EIF2AK1: variants seen among roughly 807,000 people sequenced by gnomAD.
EIF2AK1 encodes eukaryotic translation initiation factor 2 alpha kinase 1.
EIF2AK1 carries 54 observed loss-of-function variants against 77.9 expected under a neutral mutation model. The ratio of observed to expected loss-of-function variants is 0.69; its 90% CI spans 0.56 to 0.87. The LOEUF is 0.87. Ranked by LOEUF, EIF2AK1 falls within the 40% of genes least tolerant of loss-of-function variation. The pLI, the probability that EIF2AK1 is intolerant of heterozygous loss-of-function variation, is 0.00. For synonymous variants in EIF2AK1, 314 were observed against 290.5 expected (o/e 1.08, Z -0.82); for missense variants, 810 against 768.6 (o/e 1.05, Z -0.64).
At chr7:6,031,489 A>G in intron 11 of EIF2AK1, 1 of 1,550,732 alleles carries the variant, frequency 6.4e-7, no homozygotes, top group Non-Finnish European at 8.7e-7. Context: ...CCATCATGAG[A>G]GAAGACTGCA....
intron 13 of EIF2AK1, chr7:6,028,047 A>G (rs1240506811): frequency 3.6e-5 from 14 of 389,138 alleles, no homozygotes; most frequent in Non-Finnish European, 6.6e-5. Flanking sequence ...TGGGCAACAG[A>G]GCAAGACCCT....
intron 1 of EIF2AK1, chr7:6,057,557 C>T (rs1788817644): frequency 6.6e-6 from 1 of 150,634 alleles, no homozygotes; most frequent in Non-Finnish European, 1.5e-5. Flanking sequence ...ATTAGCACAG[C>T]TCCCGCACAA....
intron 4 of EIF2AK1, chr7:6,047,311 A>G (rs1788474959): frequency 1.6e-6 from 1 of 643,766 alleles, no homozygotes; most frequent in South Asian, 1.6e-5. Context: ...ATTATTACCG[A>G]TGTTGTACAG....
At chr7:6,028,545 C>T in intron 13 of EIF2AK1, 70 bp downstream of exon 13, 2 of 1,522,602 alleles carry the variant, frequency 1.3e-6, no homozygotes, top group Non-Finnish European at 1.8e-6. Context: ...AGCCACTGCA[C>T]CCAACCCTGT....
At chr7:6,025,939 A>G (rs1787733578) in intron 14 of EIF2AK1, among the ~76,000 whole-genome samples, 3 of 151,984 alleles carry the variant, frequency 2.0e-5, no homozygotes, top group Admixed American at 1.3e-4. Context: ...CCGCCTGGCC[A>G]GGATTCACAA....
At chr7:6,037,551 TTCTCTAA>T in intron 10 of EIF2AK1, 27 bp from the exon 11 acceptor site, 1 of 1,461,594 alleles carries the variant, frequency 6.8e-7, no homozygotes, top group Non-Finnish European at 9.5e-7. Flanking sequence ...ATAGTTTTAT[TTCTCTAA>T]TTTTTTTACT....
In EIF2AK1 at chr7:6,036,069, C is replaced by A. The variant is rs929707737; in HGVS notation, c.1332+1355G>T. The A allele has an allele frequency of 6.4e-7, 1 of 1,550,958 alleles. No individual in the cohort carries two copies. Among genetic ancestry groups the A allele is most frequent in the Admixed American group, 2.0e-5 (1 of 50,956 alleles). On this transcript the variant is annotated intron_variant, in intron 11 of 14. Coordinates refer to ENST00000199389, the MANE Select transcript of EIF2AK1 (RefSeq NM_014413.4). The surrounding 1 kb of genome is among the most constrained non-coding windows in gnomAD (Gnocchi z 4.6). ...CATTTTAACAAGAAACGGGGAATCT[C>A]CAATTTATATGTACCTTCAGCGCAG...
chr7:6,026,481 G>A (rs1171286640), intron 14 of EIF2AK1: 2 of 658,962 alleles, frequency 3.0e-6, no homozygotes, highest in East Asian at 3.2e-5. Context: ...TCCTCTTTGT[G>A]AACACCAGCA....
At position 6,045,733 on chromosome 7, in the gene EIF2AK1, T is replaced by TTATATATACATATATATATATATATATA. The variant is rs1554321640; in HGVS notation, c.630+337_630+338insTATATATATATATATATATGTATATATA. Among the ~76,000 whole-genome samples the TTATATATACATATATATATATATATATA allele has an allele frequency of 5.1e-4, 70 of 138,030 alleles. 2 individuals carry two copies. In the East Asian group the frequency reaches 0.018, roughly 36 times the overall value. 90.6% of individuals were successfully genotyped at this position (138,030 alleles called of 152,430 possible). A position where few individuals can be genotyped will look rare whatever the true frequency, so the allele number is the denominator to read the frequency against. On this transcript the variant is annotated intron_variant, in intron 6 of 14. Coordinates refer to ENST00000199389, the MANE Select transcript of EIF2AK1 (RefSeq NM_014413.4). Reference sequence around the variant, plus strand: ...TTAAGAAGTTAACATATTTTAAAAATTATATATATATATATATATAAATTA... The same window carrying TTATATATACATATATATATATATATATA: ...TTAAGAAGTTAACATATTTTAAAAATTATATATACATATATATATATATATATATATATATATATATATATATAAATTA...
In EIF2AK1 at chr7:6,032,799, C is replaced by A; in HGVS notation, c.1333-3767G>T. Reference sequence around the variant, plus strand: ...CTAACACAAACAGTATTTTTAACTACACAGGGCCACTTGTAATGTGTTTTG... The same window carrying A: ...CTAACACAAACAGTATTTTTAACTAAACAGGGCCACTTGTAATGTGTTTTG... On this transcript the variant is annotated intron_variant, in intron 11 of 14. Coordinates refer to ENST00000199389, the MANE Select transcript of EIF2AK1 (RefSeq NM_014413.4). This position sits in a 1 kb window ranked among gnomAD's most constrained non-coding sequence, Gnocchi z 4.3. 1 of 1,495,102 alleles carries A rather than the reference C, an allele frequency of 6.7e-7. No individual in the cohort carries two copies. Among genetic ancestry groups the A allele is most frequent in the Non-Finnish European group, 9.1e-7 (1 of 1,097,538 alleles). The allele number at this position is 1,495,102 out of a possible 1,614,324, so 92.6% of individuals were successfully genotyped here.
intron 11 of EIF2AK1, among the ~76,000 whole-genome samples, chr7:6,034,506 C>G (rs991602240): frequency 6.6e-6 from 1 of 152,074 alleles, no homozygotes; most frequent in Admixed American, 6.6e-5. Flanking sequence ...CTGCATACTG[C>G]ATGCACTATG....
chr7:6,042,279 C>T lies in EIF2AK1; in HGVS notation c.791+654G>A, dbSNP rs572600926. ...CAGCCTGGCCAACATGGCAAAACCC[C>T]GTCTCTGCTAAAAATACAAAAATTA... On this transcript the variant is annotated intron_variant, in intron 8 of 14. Transcript: ENST00000199389. Among the ~76,000 whole-genome samples the T allele has an allele frequency of 7.2e-5, 11 of 151,916 alleles. No individual in the cohort carries two copies. In the South Asian group the frequency reaches 2.3e-3, roughly 32 times the overall value.
At chr7:6,044,975 A>T (rs977671915) in intron 6 of EIF2AK1, among the ~76,000 whole-genome samples, 3 of 152,210 alleles carry the variant, frequency 2.0e-5, no homozygotes, top group Admixed American at 2.0e-4. Context: ...ATGCATATTA[A>T]AATGCATCTC....
In EIF2AK1 at chr7:6,027,112, A is replaced by G; in HGVS notation, c.1531-151T>C. 1.5e-6 allele frequency: 1 copy of G among 668,888 alleles called. No individual in the cohort carries two copies. Among genetic ancestry groups the G allele is most frequent in the East Asian group, 2.7e-5 (1 of 36,878 alleles). 41.4% of individuals were successfully genotyped at this position (668,888 alleles called of 1,614,324 possible). On this transcript the variant is annotated intron_variant, in intron 13 of 14. Coordinates refer to ENST00000199389, the MANE Select transcript of EIF2AK1 (RefSeq NM_014413.4). The surrounding 1 kb of genome is among the most constrained non-coding windows in gnomAD (Gnocchi z 4.5). ...GGAAGGGAACAGAGCAGGATAGCTC[A>G]TCAGTGACAGGGACTTTCACAACCT...
rs1028053479 is a variant in EIF2AK1, at chr7:6,035,405, T to C, written c.1332+2019A>G. ...ACTGTCCACGTAGAGCCGTTCCCAC[T>C]GTGAATTCAGTGTAACGTGTAATCA... On this transcript the variant is annotated intron_variant, in intron 11 of 14. Coordinates refer to ENST00000199389, the MANE Select transcript of EIF2AK1 (RefSeq NM_014413.4). This position sits in a 1 kb window ranked among gnomAD's most constrained non-coding sequence, Gnocchi z 5.5. 4 of 1,520,052 alleles carry C rather than the reference T, an allele frequency of 2.6e-6. No individual in the cohort carries two copies. The African/African-American group carries it at 4.1e-5, about 16-fold the overall frequency. The allele number at this position is 1,520,052 out of a possible 1,614,324, so 94.2% of individuals were successfully genotyped here. A position where few individuals can be genotyped will look rare whatever the true frequency, so the allele number is the denominator to read the frequency against.
intron 10 of EIF2AK1, 72 bp from the exon 11 acceptor site, chr7:6,037,596 T>C: frequency 1.1e-6 from 1 of 875,980 alleles, no homozygotes. Flanking sequence ...AATATTAATG[T>C]CATTCTAAAT....
rs1215546216 is a variant in EIF2AK1, at chr7:6,035,286, C to G, written c.1332+2138G>C. On this transcript the variant is annotated intron_variant, in intron 11 of 14. Coordinates refer to ENST00000199389, the MANE Select transcript of EIF2AK1 (RefSeq NM_014413.4). This position sits in a 1 kb window ranked among gnomAD's most constrained non-coding sequence, Gnocchi z 5.5. ...CATCCCACGAAAAACCCTGGGATAG[C>G]CTGAGAAACTACCCAGCGATACAGA... Among the ~76,000 whole-genome samples the G allele has an allele frequency of 6.6e-6, 1 of 152,148 alleles. No homozygotes were observed. Among genetic ancestry groups the G allele is most frequent in the East Asian group, 1.9e-4 (1 of 5,192 alleles).
At chr7:6,052,219 T>A (rs1268725041) in intron 2 of EIF2AK1, among the ~76,000 whole-genome samples, 1 of 150,608 alleles carries the variant, frequency 6.6e-6, no homozygotes, top group African/African-American at 2.4e-5. Context: ...ATATAAGGAA[T>A]TCAAAATTAT....
intron 1 of EIF2AK1, among the ~76,000 whole-genome samples, 153 bp from the exon 2 acceptor site, chr7:6,054,857 A>T (rs1788705640): frequency 6.6e-6 from 1 of 152,226 alleles, no homozygotes; most frequent in South Asian, 2.1e-4. Flanking sequence ...TAATCAAGAA[A>T]GGCTTTCTGG....
Sources: allele counts gnomAD v4.1 joint callset (sites outside exome capture counted in the v4.1 genomes callset), GRCh38; gene constraint gnomAD v4.1.1; non-coding constraint Gnocchi (gnomAD v3.1); transcripts MANE v1.5; gene names NCBI Gene and HGNC (gene_info 2026-07-23, HGNC 2026-07-21).